The following PTPN5 variants were observed in gnomAD, a reference collection of about 807,000 sequenced individuals.
PTPN5 encodes protein tyrosine phosphatase non-receptor type 5, also known as tyrosine-protein phosphatase non-receptor type 5.
A neutral mutation model predicts 73.9 loss-of-function variants in PTPN5; 29 were observed. The observed-to-expected ratio is 0.39, with a 90% CI of 0.29 to 0.54. The LOEUF (loss-of-function observed/expected upper bound fraction) is 0.54, where lower values mean the gene tolerates loss of function less well. PTPN5 is among the 20% of genes least tolerant of loss of function. PTPN5 has a pLI of 0.65. For missense variants in PTPN5, 652 were observed against 751.4 expected (o/e 0.87, Z 1.55); for synonymous variants, 267 against 304.7 (o/e 0.88, Z 1.29).
intron 3 of PTPN5, among the ~76,000 whole-genome samples, chr11:18,751,589 C>A (rs1483145025): frequency 6.6e-6 from 1 of 152,146 alleles, no homozygotes; most frequent in East Asian, 1.9e-4. Context: ...AGGGTTTGGG[C>A]CAGCAGCAAG....
rs1423288982 is a variant in PTPN5, at chr11:18,742,145, A to G, written c.725+117T>C. Reference sequence around the variant, plus strand: ...GGATAGCACATGTCTACACTGGCTAAGCTATAAGGCCAGCTCTGCCCTGGG... The same window carrying G: ...GGATAGCACATGTCTACACTGGCTAGGCTATAAGGCCAGCTCTGCCCTGGG... On this transcript the variant is annotated intron_variant, in intron 7 of 14. Coordinates refer to ENST00000358540, the MANE Select transcript of PTPN5 (RefSeq NM_006906.2). The surrounding 1 kb of genome is among the most constrained non-coding windows in gnomAD (Gnocchi z 4.1). 2 of 1,416,440 alleles carry G rather than the reference A, an allele frequency of 1.4e-6. No homozygotes were observed. Among genetic ancestry groups the G allele is most frequent in the East Asian group, 4.6e-5 (2 of 43,792 alleles). The allele number at this position is 1,416,440 out of a possible 1,614,324, so 87.7% of individuals were successfully genotyped here. A position where few individuals can be genotyped will look rare whatever the true frequency, so the allele number is the denominator to read the frequency against.
chr11:18,789,377 G>T (rs1851812483), intron 1 of PTPN5, among the ~76,000 whole-genome samples: 1 of 152,090 alleles, frequency 6.6e-6, no homozygotes, highest in Non-Finnish European at 1.5e-5. Context: ...TTTTTGGATG[G>T]AGAAATTGAG....
chr11:18,739,940 G>T (rs1255053401), intron 8 of PTPN5, among the ~76,000 whole-genome samples: 3 of 152,176 alleles, frequency 2.0e-5, no homozygotes, highest in African/African-American at 4.8e-5. Flanking sequence ...TGTAATTCTG[G>T]GTCTCAGTAT....
chr11:18,752,631 T>C (rs1157486224), intron 3 of PTPN5, among the ~76,000 whole-genome samples: 2 of 152,390 alleles, frequency 1.3e-5, no homozygotes, highest in South Asian at 2.1e-4. Flanking sequence ...AAAATGGTTC[T>C]ATCTGAAATT....
At chr11:18,780,019 T>G (rs1490052161) in intron 1 of PTPN5, among the ~76,000 whole-genome samples, 1 of 152,334 alleles carries the variant, frequency 6.6e-6, no homozygotes, top group South Asian at 2.1e-4. Context: ...ATATTCCTGC[T>G]GACCTGGCTC....
intron 3 of PTPN5, among the ~76,000 whole-genome samples, chr11:18,754,699 C>T (rs754521563): frequency 5.9e-5 from 9 of 152,132 alleles, no homozygotes; most frequent in Middle Eastern, 3.2e-3. Flanking sequence ...CGAAGACCTC[C>T]CCCTACAATA....
chr11:18,732,808 T>G, intron 11 of PTPN5, 106 bp from the exon 12 acceptor site: 2 of 885,370 alleles, frequency 2.3e-6, no homozygotes, highest in Non-Finnish European at 3.6e-6. Flanking sequence ...ACAGGGTTGC[T>G]GCTACAGAGT....
intron 9 of PTPN5, among the ~76,000 whole-genome samples, chr11:18,734,740 G>A (rs1423972982): frequency 6.6e-6 from 1 of 152,178 alleles, no homozygotes; most frequent in Non-Finnish European, 1.5e-5. Context: ...GGTTGTATGG[G>A]GTAAGGGGGA....
chr11:18,734,257 T>C (rs927211068), intron 9 of PTPN5, among the ~76,000 whole-genome samples: 2 of 152,198 alleles, frequency 1.3e-5, no homozygotes, highest in Admixed American at 6.5e-5. Flanking sequence ...CTATCTGGAT[T>C]AAGACTGTGG....
chr11:18,759,092 C>T (rs958616496), intron 3 of PTPN5, among the ~76,000 whole-genome samples: 3 of 152,114 alleles, frequency 2.0e-5, no homozygotes, highest in African/African-American at 7.2e-5. Context: ...GATACACTAC[C>T]CCACTCCACT....
At chr11:18,776,618 C>T (rs1028782180) in intron 1 of PTPN5, among the ~76,000 whole-genome samples, 2 of 152,010 alleles carry the variant, frequency 1.3e-5, no homozygotes, top group African/African-American at 4.8e-5. Flanking sequence ...AGTCATCCTC[C>T]ACCTACACGT....
At chr11:18,756,938 C>CAAAAAAAAAAAA (rs1564910700) in intron 3 of PTPN5, among the ~76,000 whole-genome samples, 1 of 138,134 alleles carries the variant, frequency 7.2e-6, no homozygotes, top group African/African-American at 2.8e-5. Context: ...AAAAAAAAAC[C>CAAAAAAAAAAAA]AAAAAACAAA....
chr11:18,743,196 G>T, intron 5 of PTPN5, 121 bp from the exon 6 acceptor site: 2 of 1,235,290 alleles, frequency 1.6e-6, no homozygotes, highest in Non-Finnish European at 2.4e-6. Flanking sequence ...GGAGCAGGCA[G>T]AAGAACTTCA....
intron 1 of PTPN5, among the ~76,000 whole-genome samples, chr11:18,780,159 A>G (rs1206700118): frequency 6.6e-6 from 1 of 152,150 alleles, no homozygotes; most frequent in Non-Finnish European, 1.5e-5. Context: ...GTGTTCCTGG[A>G]GCTAATGAGA....
At chr11:18,748,788 A>G (rs1849752812) in intron 3 of PTPN5, among the ~76,000 whole-genome samples, 1 of 152,196 alleles carries the variant, frequency 6.6e-6, no homozygotes. Context: ...TACGTCAAGC[A>G]CTGGGAACAC....
At chr11:18,748,274 G>A (rs943798630) in intron 3 of PTPN5, among the ~76,000 whole-genome samples, 2 of 152,144 alleles carry the variant, frequency 1.3e-5, no homozygotes, top group African/African-American at 4.8e-5. Flanking sequence ...AGGTCCCTCG[G>A]ATAATGTGTG....
At position 18,737,982 on chromosome 11, in the gene PTPN5, G is replaced by C; in HGVS notation, c.916-18C>G. The stretch of plus-strand genomic sequence containing the variant: ...GGGATTTCCTGTGGAAGGAGGACAC[G>C]GGGTGTGAGCAGCTATGGGCCCTCA... On this transcript the variant is annotated intron_variant, in intron 8 of 14. Coordinates refer to ENST00000358540, the MANE Select transcript of PTPN5 (RefSeq NM_006906.2). 6.2e-7 allele frequency: 1 copy of C among 1,606,540 alleles called. No individual in the cohort carries two copies. Among genetic ancestry groups the C allele is most frequent in the Non-Finnish European group, 8.5e-7 (1 of 1,173,078 alleles).
chr11:18,731,646 C>A (rs556663700), intron 12 of PTPN5, among the ~76,000 whole-genome samples: 11 of 152,322 alleles, frequency 7.2e-5, no homozygotes, highest in Admixed American at 1.3e-4. Context: ...CACTTCCTGG[C>A]CCTTCATGCC....
At chr11:18,769,200 T>A (rs890924045) in intron 2 of PTPN5, among the ~76,000 whole-genome samples, 1 of 152,158 alleles carries the variant, frequency 6.6e-6, no homozygotes, top group Admixed American at 6.5e-5. Flanking sequence ...AGGAATACAG[T>A]GATGAATAAT....
Sources: allele counts gnomAD v4.1 joint callset (sites outside exome capture counted in the v4.1 genomes callset), GRCh38; gene constraint gnomAD v4.1.1; non-coding constraint Gnocchi (gnomAD v3.1); transcripts MANE v1.5; gene names NCBI Gene and HGNC (gene_info 2026-07-23, HGNC 2026-07-21).